Variants in TRRAP observed in about 807,000 individuals in gnomAD.
TRRAP encodes the protein transformation/transcription domain-associated protein.
Under a neutral mutation model 438.8 loss-of-function variants are expected in TRRAP, and 41 were observed. The ratio of observed to expected loss-of-function variants is 0.09; its 90% CI spans 0.07 to 0.12. The LOEUF (loss-of-function observed/expected upper bound fraction) is 0.12, where lower values mean the gene tolerates loss of function less well. TRRAP is among the 10% of genes least tolerant of loss of function. The pLI is 1.00. For missense variants in TRRAP, 3,122 were observed against 5,055.1 expected (o/e 0.62, Z 11.60); for synonymous variants, 1,994 against 1,962.9 (o/e 1.02, Z -0.42).
chr7:99,003,697 C>T (rs375650447), intron 67 of TRRAP, among the ~76,000 whole-genome samples: 19 of 152,290 alleles, frequency 1.2e-4, no homozygotes, highest in Admixed American at 3.9e-4. Flanking sequence ...AGGTCCCTGA[C>T]GGGGCTTCTC....
rs371839711 is a variant in TRRAP at position 98,921,742 on chromosome 7, C to A, written c.2623-11C>A. Reference sequence around the variant, plus strand: ...TTAAGAGGACCTTAATGAAAGCACGCTGATTTTCAGGCTCTGTGGCGCACC... The same window carrying A: ...TTAAGAGGACCTTAATGAAAGCACGATGATTTTCAGGCTCTGTGGCGCACC... On this transcript the variant is annotated splice_polypyrimidine_tract_variant and intron_variant, in intron 20 of 72. Coordinates refer to ENST00000456197, the MANE Select transcript of TRRAP (RefSeq NM_001375524.1). 165 of 1,613,752 alleles carry A rather than the reference C, an allele frequency of 1.0e-4. No homozygotes were observed. The highest frequency in any genetic ancestry group is 1.4e-4 in the Non-Finnish European group (163 of 1,179,988).
rs1449220924 is a variant in TRRAP at position 98,950,201 on chromosome 7, C to T, written c.5273C>T (p.Ala1758Val). 3.1e-6 allele frequency: 5 copies of T among 1,614,068 alleles called. No individual in the cohort carries two copies. The highest frequency in any genetic ancestry group is 2.7e-5 in the African/African-American group (2 of 74,912). Residue 1758 changes from alanine to valine, a missense_variant, in exon 38 of 73, where the codon GCC (alanine) becomes GTC (valine). By Grantham distance (64) the Ala-to-Val change is moderately conservative. This residue lies in a region of TRRAP where 272 missense variants were observed against 348.5 expected (regional missense o/e 0.78). Transcript: ENST00000456197. The part of the protein sequence containing the change: ...PKNYSIAQKR[A>V]LFFRFVDFND... ...AATTACAGCATCGCTCAGAAACGTG[C>T]CCTGTTCTTTCGCTTTGTAGACTTC...
At chr7:98,961,982 A>C (rs546569009) in intron 46 of TRRAP, among the ~76,000 whole-genome samples, 10 of 152,236 alleles carry the variant, frequency 6.6e-5, no homozygotes, top group Non-Finnish European at 1.2e-4. Context: ...TCAGTTCTTC[A>C]TCAGTTGAAT....
intron 52 of TRRAP, among the ~76,000 whole-genome samples, chr7:98,971,324 T>C (rs1792409476): frequency 6.6e-6 from 1 of 152,212 alleles, no homozygotes; most frequent in Admixed American, 6.5e-5. Flanking sequence ...GATTGTTGAC[T>C]GACTTCTCCA....
At chr7:98,955,995 G>C in intron 41 of TRRAP, 151 bp from the exon 42 acceptor site, 1 of 985,882 alleles carries the variant, frequency 1.0e-6, no homozygotes, top group South Asian at 1.7e-5. Context: ...CTCAGGTTAG[G>C]ATTCAGAATT....
chr7:98,905,913 C>A (rs544435942), intron 12 of TRRAP, among the ~76,000 whole-genome samples: 18 of 152,086 alleles, frequency 1.2e-4, no homozygotes, highest in Admixed American at 9.8e-4. Flanking sequence ...CAGGGGACAC[C>A]AAGCTGATTT....
At chr7:98,933,925 G>A (rs1428677183) in intron 27 of TRRAP, among the ~76,000 whole-genome samples, 3 of 152,256 alleles carry the variant, frequency 2.0e-5, no homozygotes, top group Non-Finnish European at 4.4e-5. Flanking sequence ...CCACAGGGCA[G>A]GTGAGCTGGA....
rs1308281665 is a variant in TRRAP at position 98,994,338 on chromosome 7, T to C, written c.10048-249T>C. On this transcript the variant is annotated intron_variant, in intron 66 of 72. Coordinates refer to ENST00000456197, the MANE Select transcript of TRRAP (RefSeq NM_001375524.1). This position sits in a 1 kb window ranked among gnomAD's most constrained non-coding sequence, Gnocchi z 4.8. ...GGTGTATGATCCAAAAAAGTGGGGCTTTTCTGTTTTCGCTTTTTGAATGTT... is the reference window on the plus strand; with the variant it reads ...GGTGTATGATCCAAAAAAGTGGGGCCTTTCTGTTTTCGCTTTTTGAATGTT... Among the ~76,000 whole-genome samples, 9 of 152,128 alleles carry C rather than the reference T, an allele frequency of 5.9e-5. No homozygotes were observed. Among genetic ancestry groups the C allele is most frequent in the African/African-American group, 2.2e-4 (9 of 41,420 alleles).
rs763082757 is a variant in TRRAP at position 99,011,526 on chromosome 7, A to C, written c.11328A>C (p.Pro3776=). 4 of 1,613,756 alleles carry C rather than the reference A, an allele frequency of 2.5e-6. No homozygotes were observed. In the South Asian group the frequency reaches 4.4e-5, roughly 18 times the overall value. ...MIAVARCFAQ[P]NFKVDGILKT... is the part of the protein sequence containing the mutation. ...CGGTCGCCCGGTGCTTCGCCCAGCC[A>C]AACTTTAAGGTGGGTCTCCACGTCG... Residue 3776 remains proline, a synonymous_variant, in exon 72 of 73, where the codon CCA becomes CCC. Coordinates refer to ENST00000456197, the MANE Select transcript of TRRAP (RefSeq NM_001375524.1). This position sits in a 1 kb window ranked among gnomAD's most constrained non-coding sequence, Gnocchi z 7.1.
rs1792650582 is a variant in TRRAP, at chr7:98,976,212, A to G, written c.7903A>G (p.Thr2635Ala). The change falls in exon 54 of 73, where the codon ACG (threonine) becomes GCG (alanine). Residue 2635 changes from threonine to alanine, a missense_variant. This residue lies in a region of TRRAP where 992 missense variants were observed against 1,281.2 expected (regional missense o/e 0.77). Transcript: ENST00000456197. The surrounding 1 kb of genome is among the most constrained non-coding windows in gnomAD (Gnocchi z 4.6). ...CATTTCCACGACGCTGGCAGAGAAG[A>G]CGTGGGTCCAGCTTTTCCCCAGATT... ...CHISTTLAEKTWVQLFPRLWK... is the reference protein window; with the variant it reads ...CHISTTLAEKAWVQLFPRLWK... 3 of 1,614,190 alleles carry G rather than the reference A, an allele frequency of 1.9e-6. No homozygotes were observed. The highest frequency in any genetic ancestry group is 2.5e-6 in the Non-Finnish European group (3 of 1,180,024).
At chr7:98,938,392 G>A (rs1790649906) in intron 30 of TRRAP, among the ~76,000 whole-genome samples, 1 of 152,124 alleles carries the variant, frequency 6.6e-6, no homozygotes, top group African/African-American at 2.4e-5. Context: ...TTGAAAAGGT[G>A]TAAAAGGATG....
intron 39 of TRRAP, among the ~76,000 whole-genome samples, chr7:98,952,801 A>G (rs1467569402): frequency 1.3e-5 from 2 of 152,166 alleles, no homozygotes; most frequent in African/African-American, 4.8e-5. Context: ...CACTTTACGT[A>G]AGATAAGGTG....
At chr7:98,992,065 T>C in intron 64 of TRRAP, 72 bp from the exon 65 acceptor site, 1 of 1,541,766 alleles carries the variant, frequency 6.5e-7, no homozygotes, top group South Asian at 1.1e-5. Context: ...ATTGGTTATT[T>C]TCAGTACAAA....
At position 98,970,229 on chromosome 7, in the gene TRRAP, G is replaced by T. The variant is rs1028234458; in HGVS notation, c.7630G>T (p.Ala2544Ser). Residue 2544 changes from alanine to serine, a missense_variant, in exon 52 of 73, where the codon GCC becomes TCC. Coordinates refer to ENST00000456197, the MANE Select transcript of TRRAP (RefSeq NM_001375524.1). Reference sequence around the variant, plus strand: ...CGATAGCCACGACCGTGCCGCCTTCGCCATGGTCACACATGTCAAGCAGGA... The same window carrying T: ...CGATAGCCACGACCGTGCCGCCTTCTCCATGGTCACACATGTCAAGCAGGA... ...LADSHDRAAF[A>S]MVTHVKQEPR... The T allele has an allele frequency of 1.9e-6, 3 of 1,613,590 alleles. No individual in the cohort carries two copies. The highest frequency in any genetic ancestry group is 2.7e-5 in the African/African-American group (2 of 75,014).
At position 98,918,828 on chromosome 7, in the gene TRRAP, G is replaced by A. The variant is rs553243243; in HGVS notation, c.2622+1149G>A. On this transcript the variant is annotated intron_variant, in intron 20 of 72. Transcript: ENST00000456197. ...CCCAGCACTATGGGAGGCTGAGACA[G>A]GCAGATCACTTGAGTCCTGGAGTTT... Among the ~76,000 whole-genome samples, 144 of 151,998 alleles carry A rather than the reference G, an allele frequency of 9.5e-4. 2 individuals are homozygous for A. Among genetic ancestry groups the A allele is most frequent in the Non-Finnish European group, 1.2e-3 (79 of 67,986 alleles).
chr7:98,895,657 CTCTTA>C, intron 6 of TRRAP, 102 bp from the exon 7 acceptor site: 6 of 892,362 alleles, frequency 6.7e-6, no homozygotes, highest in Non-Finnish European at 9.8e-6. Flanking sequence ...TTCCTTACCT[CTCTTA>C]TGAGTTCTTA....
At position 98,924,636 on chromosome 7, in the gene TRRAP, C is replaced by T. The variant is rs192218188; in HGVS notation, c.2824-476C>T. 8.3e-5 allele frequency among the ~76,000 whole-genome samples: 11 copies of T among 132,196 alleles called. 1 individual carries two copies. In the South Asian group the frequency reaches 1.3e-3, roughly 15 times the overall value. 86.7% of individuals were successfully genotyped at this position (132,196 alleles called of 152,430 possible). On this transcript the variant is annotated intron_variant, in intron 21 of 72. Transcript: ENST00000456197. ...CCCGGGAGGCAGAGCTTGCAGTGAG[C>T]GGAGATGGCACCACTGCACTCCAGC...
intron 67 of TRRAP, chr7:98,998,519 C>T (rs1412969369): frequency 2.1e-5 from 4 of 189,548 alleles, no homozygotes; most frequent in Admixed American, 5.1e-5. Context: ...TTCCATAGCT[C>T]GAGCAGTAGT....
chr7:98,913,703 G>T (rs1789385224), intron 18 of TRRAP, among the ~76,000 whole-genome samples: 1 of 152,140 alleles, frequency 6.6e-6, no homozygotes, highest in Admixed American at 6.5e-5. Context: ...ATCAGTCTGT[G>T]CTTCTTTATT....
Sources: gnomAD v4.1 joint callset for allele counts (sites outside exome capture counted in the v4.1 genomes callset) on GRCh38, gnomAD v4.1.1 for gene constraint, gnomAD v4.1.1 regional missense constraint, Gnocchi (gnomAD v3.1) non-coding constraint, MANE v1.5 for transcripts, NCBI Gene and HGNC (gene_info 2026-07-23, HGNC 2026-07-21) for gene names.